The following TRIM5 variants were observed in gnomAD, a reference collection of about 807,000 sequenced individuals.
TRIM5 encodes the protein tripartite motif-containing protein 5.
Under a neutral mutation model 35.6 loss-of-function variants are expected in TRIM5, and 31 were observed. The ratio of observed to expected loss-of-function variants is 0.87; its 90% CI spans 0.65 to 1.18. TRIM5 has a LOEUF of 1.18. Ranked by LOEUF, TRIM5 falls within the 50% of genes most tolerant of loss-of-function variation. The probability of loss-of-function intolerance (pLI) is 0.00; values close to 1 mark genes in which losing one functional copy is unlikely to be tolerated. For synonymous variants in TRIM5, 243 were observed against 215.6 expected (o/e 1.13, Z -1.11); for missense variants, 609 against 591.6 (o/e 1.03, Z -0.31).
the TRIM5 span, among the ~76,000 whole-genome samples, chr11:5,635,654 C>T: frequency 6.6e-6 from 1 of 152,130 alleles, no homozygotes; most frequent in African/African-American, 2.4e-5. Context: ...CCTTTCTTTG[C>T]TGAATTTCCA....
At chr11:5,633,525 C>A in the TRIM5 span, among the ~76,000 whole-genome samples, 2 of 152,140 alleles carry the variant, frequency 1.3e-5, no homozygotes, top group African/African-American at 2.4e-5. Context: ...GAGGAAAGAG[C>A]ATTGATAAGA....
intron 1 of TRIM5, among the ~76,000 whole-genome samples, chr11:5,680,527 A>C (rs555078334): frequency 1.3e-5 from 2 of 152,204 alleles, no homozygotes; most frequent in Non-Finnish European, 2.9e-5. Flanking sequence ...TTTTCTACCA[A>C]GATCTTTGTG....
chr11:5,607,876 G>T, the TRIM5 span, among the ~76,000 whole-genome samples: 1 of 152,186 alleles, frequency 6.6e-6, no homozygotes, highest in African/African-American at 2.4e-5. Flanking sequence ...CAGAAGTACA[G>T]ATTTGAGAAT....
intron 4 of TRIM5, among the ~76,000 whole-genome samples, chr11:5,677,434 C>T (rs10742771): frequency 0.52 from 79,740 of 151,926 alleles, 24,311 homozygotes; most frequent in Non-Finnish European, 0.69. Flanking sequence ...GAATGGCAAT[C>T]ATTAAAAAGT....
At chr11:5,643,568 C>T in the TRIM5 span, 163 of 1,614,156 alleles carry the variant, frequency 1.0e-4, no homozygotes, top group African/African-American at 2.0e-3. Context: ...ATGAAGCAGG[C>T]ATTGTCTCAT....
At chr11:5,595,886 T>C in the TRIM5 span, among the ~76,000 whole-genome samples, 1 of 152,128 alleles carries the variant, frequency 6.6e-6, no homozygotes, top group Non-Finnish European at 1.5e-5. Flanking sequence ...TTTCATCATG[T>C]TGGCCGGGAT....
chr11:5,614,004 A>G, the TRIM5 span, among the ~76,000 whole-genome samples: 1 of 152,182 alleles, frequency 6.6e-6, no homozygotes, highest in Non-Finnish European at 1.5e-5. Context: ...CTGGAATTCT[A>G]TAGGTAAGAC....
At chr11:5,639,305 T>C in the TRIM5 span, among the ~76,000 whole-genome samples, 16 of 152,204 alleles carry the variant, frequency 1.1e-4, no homozygotes, top group East Asian at 3.1e-3. Context: ...CCTGCCACAG[T>C]ATTATAGAAA....
the TRIM5 span, among the ~76,000 whole-genome samples, chr11:5,653,074 G>A: frequency 6.6e-5 from 10 of 152,124 alleles, no homozygotes; most frequent in African/African-American, 1.4e-4. Flanking sequence ...GGATGGTCTC[G>A]ATCTCCTGAC....
the TRIM5 span, among the ~76,000 whole-genome samples, chr11:5,657,559 A>T: frequency 9.8e-6 from 1 of 102,346 alleles, no homozygotes; most frequent in African/African-American, 4.2e-5. Context: ...TAATGCATTT[A>T]TATATATTAT....
intron 4 of TRIM5, 52 bp downstream of exon 4, chr11:5,678,152 T>C (rs760075888): frequency 2.0e-6 from 3 of 1,484,134 alleles, no homozygotes; most frequent in Non-Finnish European, 2.7e-6. Context: ...GAGAAGGAAA[T>C]AGCCTTCACT....
At chr11:5,610,455 C>T in the TRIM5 span, 1 of 1,610,484 alleles carries the variant, frequency 6.2e-7, no homozygotes, top group East Asian at 2.2e-5. Flanking sequence ...CACCATTCCC[C>T]TCAATGTAGT....
the TRIM5 span, among the ~76,000 whole-genome samples, chr11:5,649,167 C>A: frequency 1.3e-5 from 2 of 152,140 alleles, no homozygotes; most frequent in African/African-American, 4.8e-5. Context: ...CCATGAGGAC[C>A]AGCAATTCAG....
chr11:5,675,275 C>T (rs1851861417), intron 4 of TRIM5, among the ~76,000 whole-genome samples: 1 of 151,924 alleles, frequency 6.6e-6, no homozygotes, highest in African/African-American at 2.4e-5. Flanking sequence ...ATTTATTAAA[C>T]ATTTCAAGAT....
chr11:5,605,855 T>C, the TRIM5 span, among the ~76,000 whole-genome samples: 1 of 152,228 alleles, frequency 6.6e-6, no homozygotes. Flanking sequence ...TGTTCTTTCT[T>C]TCTCAGTCTT....
the TRIM5 span, chr11:5,655,703 T>C: frequency 1.0e-6 from 1 of 985,128 alleles, no homozygotes; most frequent in East Asian, 1.1e-4. Context: ...GCATATGCAG[T>C]CAAAAAAAGA....
chr11:5,634,526 CACACATATAT>C, the TRIM5 span: 1 of 653,114 alleles, frequency 1.5e-6, no homozygotes, highest in Admixed American at 3.4e-5. Flanking sequence ...CACACACACA[CACACATATAT>C]ATATATATAT....
the TRIM5 span, chr11:5,655,533 C>T: frequency 1.5e-6 from 1 of 686,990 alleles, no homozygotes; most frequent in East Asian, 1.3e-4. Flanking sequence ...CTATGGGTAA[C>T]AAAAGATGCC....
the TRIM5 span, among the ~76,000 whole-genome samples, chr11:5,638,991 T>C: frequency 6.6e-6 from 1 of 152,206 alleles, no homozygotes; most frequent in African/African-American, 2.4e-5. Context: ...TGTTTCAATC[T>C]ATATCTATCT....
Sources: allele counts gnomAD v4.1 joint callset (sites outside exome capture counted in the v4.1 genomes callset), GRCh38; gene constraint gnomAD v4.1.1; transcripts MANE v1.5; gene names NCBI Gene and HGNC (gene_info 2026-07-23, HGNC 2026-07-21).